Variants in NCMAP observed in about 807,000 individuals in gnomAD.
The protein encoded by NCMAP is noncompact myelin-associated protein.
Under a neutral mutation model 7.8 loss-of-function variants are expected in NCMAP, and 8 were observed. The ratio of observed to expected loss-of-function variants is 1.02; its 90% CI spans 0.60 to 1.84. NCMAP has a LOEUF of 1.84. NCMAP is among the 40% of genes most tolerant of loss of function. NCMAP has a pLI of 0.00. For synonymous variants in NCMAP, 41 were observed against 52.9 expected (o/e 0.78, Z 0.98); for missense variants, 112 against 131.4 (o/e 0.85, Z 0.72).
intron 1 of NCMAP, among the ~76,000 whole-genome samples, chr1:24,564,235 C>A (rs991925140): frequency 6.6e-6 from 1 of 151,940 alleles, no homozygotes; most frequent in Non-Finnish European, 1.5e-5. Flanking sequence ...AGAGGCCAGG[C>A]GCAGTGGCTC....
At chr1:24,602,091 A>C (rs1487561971) in intron 3 of NCMAP, among the ~76,000 whole-genome samples, 1 of 152,068 alleles carries the variant, frequency 6.6e-6, no homozygotes, top group Non-Finnish European at 1.5e-5. Flanking sequence ...CTGATTAATA[A>C]GGAAAGCTGT....
intron 1 of NCMAP, among the ~76,000 whole-genome samples, chr1:24,556,661 T>TC (rs1557589811): frequency 6.6e-6 from 1 of 151,386 alleles, no homozygotes; most frequent in African/African-American, 2.4e-5. Context: ...GGCCGTAGTT[T>TC]CCATCCACAG....
intron 1 of NCMAP, among the ~76,000 whole-genome samples, chr1:24,562,852 A>C (rs375782961): frequency 6.6e-6 from 1 of 152,342 alleles, no homozygotes. Context: ...TGGGAACTTA[A>C]AGGTGAACTT....
chr1:24,566,394 G>A lies in NCMAP; in HGVS notation c.-8+10225G>A, dbSNP rs1232631203. Among the ~76,000 whole-genome samples the A allele has an allele frequency of 4.6e-5, 7 of 152,308 alleles. 1 individual carries two copies. The South Asian group carries it at 6.2e-4, about 14-fold the overall frequency. The stretch of plus-strand genomic sequence containing the variant: ...GCAGTGGCCGGGTCACACTGCAGGA[G>A]AGAATATGGGATGGGAGATATTATG... On this transcript the variant is annotated intron_variant, in intron 1 of 3. Coordinates refer to ENST00000374392, the MANE Select transcript of NCMAP (RefSeq NM_001010980.5).
chr1:24,572,604 ACACT>A (rs1651421637), intron 1 of NCMAP, among the ~76,000 whole-genome samples: 1 of 150,416 alleles, frequency 6.6e-6, no homozygotes, highest in Non-Finnish European at 1.5e-5. Flanking sequence ...ACTTGCTCAC[ACACT>A]CACCGCCCCT....
chr1:24,597,530 GA>G (rs1422394572), intron 2 of NCMAP, among the ~76,000 whole-genome samples: 2 of 71,238 alleles, frequency 2.8e-5, no homozygotes, highest in East Asian at 5.3e-4. Flanking sequence ...GGGGGGGGGG[GA>G]GGGGGAGGGG....
chr1:24,574,783 G>A (rs1433314939), intron 1 of NCMAP, among the ~76,000 whole-genome samples: 1 of 151,026 alleles, frequency 6.6e-6, no homozygotes, highest in African/African-American at 2.4e-5. Context: ...CAGTAGACAA[G>A]GCCCGCAATA....
rs774366396 is a variant in NCMAP at position 24,605,905 on chromosome 1, T to G, written c.*158T>G. ...CTGATGCTTCCAGCAATCCTCAACC[T>G]TGTCTGCCCTGCCCTACCCCAACTG... is the stretch of plus-strand genomic sequence containing the variant. On this transcript the variant is annotated 3_prime_UTR_variant, in exon 4 of 4. Transcript: ENST00000374392. 80 of 849,046 alleles carry G rather than the reference T, an allele frequency of 9.4e-5. No individual in the cohort carries two copies. The highest frequency in any genetic ancestry group is 1.3e-4 in the Non-Finnish European group (75 of 559,742). 52.6% of individuals were successfully genotyped at this position (849,046 alleles called of 1,614,324 possible). A position where few individuals can be genotyped will look rare whatever the true frequency, so the allele number is the denominator to read the frequency against.
intron 1 of NCMAP, among the ~76,000 whole-genome samples, chr1:24,556,392 C>A (rs1426707161): frequency 6.6e-6 from 1 of 152,202 alleles, no homozygotes; most frequent in African/African-American, 2.4e-5. Flanking sequence ...GGAGGCTGAT[C>A]ATCTCCAGTG....
At chr1:24,562,731 GA>G (rs1651087702) in intron 1 of NCMAP, among the ~76,000 whole-genome samples, 1 of 152,202 alleles carries the variant, frequency 6.6e-6, no homozygotes, top group Non-Finnish European at 1.5e-5. Flanking sequence ...ACAGGCAAGG[GA>G]TCAGGCATTG....
At chr1:24,595,381 A>G (rs755133792) in intron 1 of NCMAP, 43 bp from the exon 2 acceptor site, 3 of 1,396,958 alleles carry the variant, frequency 2.1e-6, no homozygotes, top group Non-Finnish European at 3.0e-6. Flanking sequence ...AATAATAAGG[A>G]TTTATCTAAT....
chr1:24,595,307 A>G, intron 1 of NCMAP, 117 bp from the exon 2 acceptor site: 2 of 659,628 alleles, frequency 3.0e-6, no homozygotes, highest in Non-Finnish European at 5.1e-6. Flanking sequence ...TGCTGCCAAG[A>G]GAAACTGCAT....
At chr1:24,572,541 G>T (rs899122331) in intron 1 of NCMAP, among the ~76,000 whole-genome samples, 2 of 150,408 alleles carry the variant, frequency 1.3e-5, no homozygotes, top group East Asian at 3.9e-4. Context: ...CAAGCTCCCC[G>T]TGCCAGGGCC....
chr1:24,573,333 G>A (rs1196969538), intron 1 of NCMAP, among the ~76,000 whole-genome samples: 2 of 150,832 alleles, frequency 1.3e-5, no homozygotes, highest in African/African-American at 5.0e-5. Context: ...GCTCACTCCT[G>A]TAATCCCAGC....
In NCMAP at chr1:24,601,035, C is replaced by T. The variant is rs559061502; in HGVS notation, c.167+11C>T. On this transcript the variant is annotated intron_variant, in intron 3 of 3. Transcript: ENST00000374392. ...GAAGATGTACAACAGGTACGGATGC[C>T]CTGGGCTTTGGAACTGCCTGGACGG... 2 of 1,612,992 alleles carry T rather than the reference C, an allele frequency of 1.2e-6. No individual in the cohort carries two copies. Among genetic ancestry groups the T allele is most frequent in the East Asian group, 2.2e-5 (1 of 44,876 alleles).
At chr1:24,581,289 G>T (rs998393640) in intron 1 of NCMAP, among the ~76,000 whole-genome samples, 1 of 152,022 alleles carries the variant, frequency 6.6e-6, no homozygotes, top group South Asian at 2.1e-4. Flanking sequence ...GCTAATTTTT[G>T]TATTTTTAGT....
chr1:24,572,194 A>T (rs1651411210), intron 1 of NCMAP, among the ~76,000 whole-genome samples: 1 of 150,498 alleles, frequency 6.6e-6, no homozygotes, highest in Non-Finnish European at 1.5e-5. Flanking sequence ...TGTACAGTTG[A>T]TGGATTTTAA....
At position 24,595,517 on chromosome 1, in the gene NCMAP, G is replaced by C; in HGVS notation, c.82+5G>C. 4.4e-6 allele frequency: 7 copies of C among 1,607,616 alleles called. No individual in the cohort carries two copies. Among genetic ancestry groups the C allele is most frequent in the Non-Finnish European group, 5.1e-6 (6 of 1,174,188 alleles). Reference sequence around the variant, plus strand: ...GAGAAGACTTCCTGTATAAGAGTAAGGTCAAATTCGCTTAGAGGCTGGGGG... The same window carrying C: ...GAGAAGACTTCCTGTATAAGAGTAACGTCAAATTCGCTTAGAGGCTGGGGG... On this transcript the variant is annotated splice_donor_5th_base_variant and intron_variant, in intron 2 of 3. Transcript: ENST00000374392.
chr1:24,578,435 G>A (rs1267725891), intron 1 of NCMAP, among the ~76,000 whole-genome samples: 1 of 150,216 alleles, frequency 6.7e-6, no homozygotes, highest in Non-Finnish European at 1.5e-5. Flanking sequence ...CCTCCACAGA[G>A]GGTGTGTGGT....
Sources: gnomAD v4.1 joint callset for allele counts (sites outside exome capture counted in the v4.1 genomes callset) on GRCh38, gnomAD v4.1.1 for gene constraint, MANE v1.5 for transcripts, NCBI Gene and HGNC (gene_info 2026-07-23, HGNC 2026-07-21) for gene names.